HEBP2: variants seen among roughly 807,000 people sequenced by gnomAD.
HEBP2 encodes the protein heme-binding protein 2.
In HEBP2, 27 loss-of-function variants were observed where a neutral mutation model predicts 23.1. The observed-to-expected ratio is 1.17, with a 90% CI of 0.86 to 1.61. HEBP2 has a LOEUF of 1.61. Among genes scored for constraint, HEBP2 ranks in the 40% most tolerant of loss-of-function variants. The pLI, the probability that HEBP2 is intolerant of heterozygous loss-of-function variation, is 0.00. For missense variants in HEBP2, 245 were observed against 253.8 expected (o/e 0.97, Z 0.24); for synonymous variants, 99 against 95.1 (o/e 1.04, Z -0.24).
At position 138,405,298 on chromosome 6, in the gene HEBP2, T is replaced by G. The variant is rs1258961478; in HGVS notation, c.238+18T>G. The G allele has an allele frequency of 1.9e-6, 3 of 1,613,850 alleles. No individual in the cohort carries two copies. The highest frequency in any genetic ancestry group is 2.7e-5 in the African/African-American group (2 of 74,938). Reference sequence around the variant, plus strand: ...CGAGAAAGGTAAAAGCAGTTTTCCTTGTAATTATGCATATTGTGAAAGAGT... The same window carrying G: ...CGAGAAAGGTAAAAGCAGTTTTCCTGGTAATTATGCATATTGTGAAAGAGT... On this transcript the variant is annotated intron_variant, in intron 2 of 3. Coordinates refer to ENST00000607197, the MANE Select transcript of HEBP2 (RefSeq NM_014320.3).
At chr6:138,404,131 G>GT (rs1774586777), upstream of HEBP2, 1 of 224,508 alleles carries the variant, frequency 4.5e-6, no homozygotes, top group Non-Finnish European at 8.6e-6. Context: ...TACTGCCCGC[G>GT]GGGCCACCTG....
rs556963755 is a variant in HEBP2, at chr6:138,414,074, C to T, written c.*996C>T. On this transcript the variant is annotated 3_prime_UTR_variant, in exon 4 of 4. Transcript: ENST00000607197. Reference sequence around the variant, plus strand: ...ATCACATAAGGTGGTCAGCAAAGGCCTCTCAAGAGACAGTTGAGACTTGAA... The same window carrying T: ...ATCACATAAGGTGGTCAGCAAAGGCTTCTCAAGAGACAGTTGAGACTTGAA... 2 of 152,400 alleles carry T rather than the reference C, an allele frequency of 1.3e-5. No individual in the cohort carries two copies. The highest frequency in any genetic ancestry group is 1.9e-4 in the East Asian group (1 of 5,172). 9.4% of individuals were successfully genotyped at this position (152,400 alleles called of 1,614,324 possible).
intron 3 of HEBP2, among the ~76,000 whole-genome samples, chr6:138,410,993 T>A (rs1583104664): frequency 6.6e-6 from 1 of 152,208 alleles, no homozygotes; most frequent in East Asian, 1.9e-4. Context: ...GCAGACATGG[T>A]TTGTACCCTT....
Position 138,406,103 on chromosome 6 carries a change from A to C in HEBP2, c.371A>C (p.Glu124Ala). 6.2e-7 allele frequency: 1 copy of C among 1,614,156 alleles called. No homozygotes were observed. The highest frequency in any genetic ancestry group is 8.5e-7 in the Non-Finnish European group (1 of 1,180,024). The change falls in exon 3 of 4, where the codon GAG becomes GCG. Residue 124 changes from glutamate (E) to alanine (A), a missense_variant. By Grantham distance (107) the Glu-to-Ala change is moderately radical (BLOSUM62 -1). Transcript: ENST00000607197. ...EQQFDPPRPL[E>A]SDVFIEDRAE... ...CAATTTGATCCACCCAGGCCTTTAG[A>C]GTCAGATGTCTTCATTGAAGATAGA...
chr6:138,407,785 A>G (rs922994316), intron 3 of HEBP2, among the ~76,000 whole-genome samples: 4 of 152,232 alleles, frequency 2.6e-5, no homozygotes, highest in Non-Finnish European at 4.4e-5. Flanking sequence ...GTACTGACAG[A>G]GGTCGGCACC....
In HEBP2 at chr6:138,404,255, C is replaced by T; in HGVS notation, c.-241C>T. The T allele has an allele frequency of 3.1e-6, 1 of 322,486 alleles. No individual in the cohort carries two copies. The highest frequency in any genetic ancestry group is 5.6e-6 in the Non-Finnish European group (1 of 177,562). The allele number at this position is 322,486 out of a possible 1,614,324, so 20.0% of individuals were successfully genotyped here. ...GCCGCGGAGGGGCGGGGGCAGGACGCGCAACTCCGGCCGGAGCTGTCCGGG... is the reference window on the plus strand; with the variant it reads ...GCCGCGGAGGGGCGGGGGCAGGACGTGCAACTCCGGCCGGAGCTGTCCGGG... On this transcript the variant is annotated 5_prime_UTR_variant, in exon 1 of 4. Coordinates refer to ENST00000607197, the MANE Select transcript of HEBP2 (RefSeq NM_014320.3).
intron 1 of HEBP2, 87 bp from the exon 2 acceptor site, chr6:138,405,058 C>G (rs1774617067): frequency 2.7e-6 from 4 of 1,460,796 alleles, no homozygotes; most frequent in Middle Eastern, 1.8e-4. Context: ...GGCTCCAGGT[C>G]GACCCGAGAT....
In HEBP2 at chr6:138,404,564, G is replaced by A. The variant is rs1774602431; in HGVS notation, c.69G>A (p.Pro23=). The change falls in exon 1 of 4, where the codon CCG becomes CCA. Residue 23 remains proline (P), a synonymous_variant. Coordinates refer to ENST00000607197, the MANE Select transcript of HEBP2 (RefSeq NM_014320.3). Reference sequence around the variant, plus strand: ...CGGCGGCCCAAGCTGTGGAGACGCCGGGCTGGAAGGCCCCGGAGGACGCCG... The same window carrying A: ...CGGCGGCCCAAGCTGTGGAGACGCCAGGCTGGAAGGCCCCGGAGGACGCCG... ...EDAAAQAVET[P]GWKAPEDAGP... 1 of 1,303,832 alleles carries A rather than the reference G, an allele frequency of 7.7e-7. No individual in the cohort carries two copies. 80.8% of individuals were successfully genotyped at this position (1,303,832 alleles called of 1,614,324 possible).
rs1481614355 is a variant in HEBP2, at chr6:138,404,325, C to T, written c.-171C>T. 4 of 370,412 alleles carry T rather than the reference C, an allele frequency of 1.1e-5. No homozygotes were observed. The highest frequency in any genetic ancestry group is 1.9e-5 in the Non-Finnish European group (4 of 215,698). 22.9% of individuals were successfully genotyped at this position (370,412 alleles called of 1,614,324 possible). ...TTGGTGGCGGCGCCCCCTCGCGGTCCAGAGGCAGACGCATCGGGTGGGCTC... is the reference window on the plus strand; with the variant it reads ...TTGGTGGCGGCGCCCCCTCGCGGTCTAGAGGCAGACGCATCGGGTGGGCTC... On this transcript the variant is annotated 5_prime_UTR_variant, in exon 1 of 4. Transcript: ENST00000607197.
In HEBP2 at chr6:138,405,177, A is replaced by C; in HGVS notation, c.135A>C (p.Pro45=). The change falls in exon 2 of 4, where the codon CCA becomes CCC. Residue 45 remains proline, a synonymous_variant. Transcript: ENST00000607197. ...GTTATGAGATCCGACACTATGGACCAGCCAAGTGGGTCAGCACGTCCGTGG... is the reference window on the plus strand; with the variant it reads ...GTTATGAGATCCGACACTATGGACCCGCCAAGTGGGTCAGCACGTCCGTGG... ...PGSYEIRHYG[P]AKWVSTSVES... 6.2e-7 allele frequency: 1 copy of C among 1,614,068 alleles called. No individual in the cohort carries two copies. The highest frequency in any genetic ancestry group is 8.5e-7 in the Non-Finnish European group (1 of 1,179,982).
At chr6:138,407,660 T>G (rs2114766508) in intron 3 of HEBP2, among the ~76,000 whole-genome samples, 1 of 152,326 alleles carries the variant, frequency 6.6e-6, no homozygotes, top group East Asian at 1.9e-4. Flanking sequence ...ATTTCCCTAT[T>G]GGGGACTCAC....
Position 138,416,710 on chromosome 6 carries a change from G to A in HEBP2, c.*3632G>A, listed in dbSNP as rs1156896961. On this transcript the variant is annotated 3_prime_UTR_variant, in exon 4 of 4. Transcript: ENST00000607197. The stretch of plus-strand genomic sequence containing the variant: ...GGGGTCCTGACCTGTAAAGTCTCAT[G>A]GAAATAGTTGGTAGAACAAGGCATT... 6.6e-6 allele frequency: 1 copy of A among 152,218 alleles called. No homozygotes were observed. Among genetic ancestry groups the A allele is most frequent in the Admixed American group, 6.5e-5 (1 of 15,276 alleles). The allele number at this position is 152,218 out of a possible 1,614,324, so 9.4% of individuals were successfully genotyped here.
chr6:138,409,790 A>G (rs1332859140), intron 3 of HEBP2, among the ~76,000 whole-genome samples: 2 of 152,086 alleles, frequency 1.3e-5, no homozygotes, highest in Admixed American at 1.3e-4. Context: ...TCCCCTTCCC[A>G]CCACTTGGGC....
In HEBP2 at chr6:138,404,483, G is replaced by C. The variant is rs1157478659; in HGVS notation, c.-13G>C. 6 of 1,270,754 alleles carry C rather than the reference G, an allele frequency of 4.7e-6. No homozygotes were observed. Among genetic ancestry groups the C allele is most frequent in the Middle Eastern group, 6.1e-4 (2 of 3,304 alleles). 78.7% of individuals were successfully genotyped at this position (1,270,754 alleles called of 1,614,324 possible). A position where few individuals can be genotyped will look rare whatever the true frequency, so the allele number is the denominator to read the frequency against. On this transcript the variant is annotated 5_prime_UTR_variant, in exon 1 of 4. Transcript: ENST00000607197. ...GCGCGGCTGACCAGGCTCCCAGAGC[G>C]TCAGCGCCGCCCATGGCCGAGCCGC...
chr6:138,405,052 C>T, intron 1 of HEBP2, 93 bp from the exon 2 acceptor site: 1 of 1,422,468 alleles, frequency 7.0e-7, no homozygotes. Context: ...CAGGACGGCT[C>T]CAGGTCGACC....
At position 138,406,648 on chromosome 6, in the gene HEBP2, A is replaced by G. The variant is rs555352083; in HGVS notation, c.419+497A>G. Among the ~76,000 whole-genome samples the G allele has an allele frequency of 5.8e-4, 88 of 152,298 alleles. 1 individual carries two copies. In the South Asian group the frequency reaches 0.017, roughly 29 times the overall value. On this transcript the variant is annotated intron_variant, in intron 3 of 3. Transcript: ENST00000607197. ...CAGAAATGCCCTCATGTGGTGGAAG[A>G]GGCAAGGCAGCTTTATTGGACATGT...
rs1006608352 is a variant in HEBP2 at position 138,419,649 on chromosome 6, C to G, written c.*6571C>G. 3.3e-5 allele frequency: 5 copies of G among 152,136 alleles called. No homozygotes were observed. The highest frequency in any genetic ancestry group is 1.2e-4 in the African/African-American group (5 of 41,406). 9.4% of individuals were successfully genotyped at this position (152,136 alleles called of 1,614,324 possible). A position where few individuals can be genotyped will look rare whatever the true frequency, so the allele number is the denominator to read the frequency against. Reference sequence around the variant, plus strand: ...ATACCCTGCCAAGATGTGCCACCGTCTCCTGCACACAGTATACTTATTGAA... The same window carrying G: ...ATACCCTGCCAAGATGTGCCACCGTGTCCTGCACACAGTATACTTATTGAA... On this transcript the variant is annotated 3_prime_UTR_variant, in exon 4 of 4. Coordinates refer to ENST00000607197, the MANE Select transcript of HEBP2 (RefSeq NM_014320.3).
rs1376683801 is a variant in HEBP2, at chr6:138,414,853, GT to G, written c.*1777del. 1 of 152,288 alleles carries G rather than the reference GT, an allele frequency of 6.6e-6. No individual in the cohort carries two copies. Among genetic ancestry groups the G allele is most frequent in the Non-Finnish European group, 1.5e-5 (1 of 68,128 alleles). The allele number at this position is 152,288 out of a possible 1,614,324, so 9.4% of individuals were successfully genotyped here. On this transcript the variant is annotated 3_prime_UTR_variant, in exon 4 of 4. Transcript: ENST00000607197. ...GTGGGAGGATTGCTTGAGCCCAGAAGTTCAAGACGAGTCATGGCAACCTAGT... is the reference window on the plus strand; with the variant it reads ...GTGGGAGGATTGCTTGAGCCCAGAAGTCAAGACGAGTCATGGCAACCTAGT...
At chr6:138,411,441 A>C (rs75992745) in intron 3 of HEBP2, among the ~76,000 whole-genome samples, 1,825 of 152,304 alleles carry the variant, frequency 0.012, 15 homozygotes, top group Middle Eastern at 0.048. Flanking sequence ...GCTAATGCAC[A>C]GGGTTCTTCC....
Sources: allele counts gnomAD v4.1 joint callset (sites outside exome capture counted in the v4.1 genomes callset), GRCh38; gene constraint gnomAD v4.1.1; transcripts MANE v1.5; gene names NCBI Gene and HGNC (gene_info 2026-07-23, HGNC 2026-07-21).